The following BTK variants were observed in gnomAD, a reference collection of about 807,000 sequenced individuals.
The protein encoded by BTK is tyrosine-protein kinase BTK.
A neutral mutation model predicts 57.4 loss-of-function variants in BTK; 5 were observed. The ratio of observed to expected loss-of-function variants is 0.09; its 90% CI spans 0.05 to 0.18. The LOEUF is 0.18. Ranked by LOEUF, BTK falls within the 10% of genes least tolerant of loss-of-function variation. The pLI is 1.00. For synonymous variants in BTK, 154 were observed against 174.3 expected, an observed-to-expected ratio of 0.88 and a Z score of 0.92; for missense variants, 194 against 501.2, an observed-to-expected ratio of 0.39 and a Z score of 5.85.
chrX:101,359,843 C>A (rs1440072408), intron 9 of BTK, among the ~76,000 whole-genome samples: 1 of 105,198 alleles, frequency 9.5e-6, no homozygotes, highest in Admixed American at 1.1e-4. Flanking sequence ...TAATATATAT[C>A]TTGAAATAAA....
At chrX:101,360,506 G>T in intron 8 of BTK, 62 bp downstream of exon 8, 1 of 1,127,677 alleles carries the variant, frequency 8.9e-7, no homozygotes, top group Non-Finnish European at 1.2e-6. Context: ...TTATGCCGCA[G>T]CACTTTTTGC....
At chrX:101,362,497 G>C in intron 6 of BTK, 64 bp downstream of exon 6, 1 of 1,201,202 alleles carries the variant, frequency 8.3e-7, no homozygotes, top group Non-Finnish European at 1.1e-6. Context: ...GGGCTTGACA[G>C]ACCCTTGGGA....
chrX:101,383,781 T>A (rs1418858719), intron 1 of BTK, among the ~76,000 whole-genome samples: 2 of 111,366 alleles, frequency 1.8e-5, no homozygotes, highest in Non-Finnish European at 3.8e-5. Context: ...AAGAGCCTGG[T>A]ATTAAAGCTT....
chrX:101,364,409 CAAA>C (rs782095484), intron 5 of BTK, among the ~76,000 whole-genome samples: 2 of 50,068 alleles, frequency 4.0e-5, no homozygotes, highest in Non-Finnish European at 3.8e-5. Context: ...AACTCCAACT[CAAA>C]AAAAAAAAAA....
rs1481321663 is a variant in BTK at position 101,358,077 on chromosome X, T to C, written c.1102+233A>G. 6 of 509,617 alleles carry C rather than the reference T, an allele frequency of 1.2e-5. No individual in the cohort carries two copies. In the Admixed American group the frequency reaches 1.6e-4, roughly 14 times the overall value. 42.0% of individuals were successfully genotyped at this position (509,617 alleles called of 1,213,427 possible). On this transcript the variant is annotated intron_variant, in intron 12 of 18. Transcript: ENST00000308731. The stretch of plus-strand genomic sequence containing the variant: ...TGCTGATGAATCAGTCACCAGCCTC[T>C]TTTGTGTCTTCTCTTAACACTGAAC...
intron 18 of BTK, among the ~76,000 whole-genome samples, chrX:101,352,892 G>T (rs147512981): frequency 1.0e-5 from 1 of 98,347 alleles, no homozygotes; most frequent in Admixed American, 1.1e-4. Flanking sequence ...GAGCAAGACT[G>T]TGTCACCAAA....
At chrX:101,378,116 C>T (rs1272733447) in intron 1 of BTK, 9 of 90,361 alleles carry the variant, frequency 1.0e-4, no homozygotes, top group African/African-American at 2.9e-4. Context: ...CGGAATCTTG[C>T]TTTGTTGCCC....
At chrX:101,378,562 CA>C (rs1927301448) in intron 1 of BTK, among the ~76,000 whole-genome samples, 2 of 107,867 alleles carry the variant, frequency 1.9e-5, no homozygotes, top group African/African-American at 6.9e-5. Context: ...CACACACACA[CA>C]CCACTGTTGT....
At chrX:101,380,879 C>T (rs1347674128) in intron 1 of BTK, among the ~76,000 whole-genome samples, 1 of 104,662 alleles carries the variant, frequency 9.6e-6, no homozygotes, top group Non-Finnish European at 1.9e-5. Flanking sequence ...GCTGGGCCAA[C>T]GCTACTCTCC....
intron 15 of BTK, chrX:101,355,804 T>C: frequency 2.4e-6 from 1 of 416,126 alleles, no homozygotes. Flanking sequence ...ACCATTTTCT[T>C]GTGGGTGGTA....
At chrX:101,376,649 C>T (rs1030656025) in intron 1 of BTK, among the ~76,000 whole-genome samples, 4 of 108,230 alleles carry the variant, frequency 3.7e-5, no homozygotes, top group Non-Finnish European at 1.9e-5. Context: ...TCAAAAACAA[C>T]AACAAAAAAA....
rs781869026 is a variant in BTK, at chrX:101,356,081, C to G, written c.1537G>C (p.Glu513Gln). Residue 513 changes from glutamate to glutamine, a missense_variant, in exon 15 of 19, where the codon GAG becomes CAG. Coordinates refer to ENST00000308731, the MANE Select transcript of BTK (RefSeq NM_000061.3). ...TCTCGGTGAAGGAACTGCTTTGACT[C>G]CAGGTATTCCATGGCTTCACAGACA... ...KDVCEAMEYL[E>Q]SKQFLHRDLA... 2 of 1,211,434 alleles carry G rather than the reference C, an allele frequency of 1.7e-6. No homozygotes were observed. Among genetic ancestry groups the G allele is most frequent in the Admixed American group, 4.3e-5 (2 of 45,990 alleles).
At position 101,362,223 on chromosome X, in the gene BTK, A is replaced by C; in HGVS notation, c.538T>G (p.Ser180Ala). The C allele has an allele frequency of 1.7e-6, 2 of 1,211,625 alleles. No homozygotes were observed. Among genetic ancestry groups the C allele is most frequent in the Non-Finnish European group, 2.2e-6 (2 of 895,417 alleles). Residue 180 changes from serine (S) to alanine (A), a missense_variant, in exon 7 of 19, where the codon TCT (serine) becomes GCT (alanine). This residue lies in a region of BTK where 115 missense variants were observed against 258.3 expected (regional missense o/e 0.45). Coordinates refer to ENST00000308731, the MANE Select transcript of BTK (RefSeq NM_000061.3). ...AGAGGCTTTTTTGTCTTCCGGTGAG[A>C]ACTCCCAGGTTTTAAGCCTGCAAAA... is the stretch of plus-strand genomic sequence containing the variant. ...NRNGSLKPGSSHRKTKKPLPP... is the reference protein window; with the variant it reads ...NRNGSLKPGSAHRKTKKPLPP...
chrX:101,388,113 G>A (rs1221966693), upstream of BTK, among the ~76,000 whole-genome samples: 2 of 111,147 alleles, frequency 1.8e-5, no homozygotes, highest in African/African-American at 3.3e-5. Context: ...TGATCCACCC[G>A]CCTCAGCTTC....
chrX:101,353,079 A>G, intron 18 of BTK, 115 bp downstream of exon 18: 1 of 747,899 alleles, frequency 1.3e-6, no homozygotes, highest in Non-Finnish European at 2.0e-6. Context: ...TTAAAAAAAA[A>G]AAAAAAGGAA....
At position 101,354,486 on chromosome X, in the gene BTK, G is replaced by A. The variant is rs1910759710; in HGVS notation, c.1631+144C>T. On this transcript the variant is annotated intron_variant, in intron 16 of 18. Coordinates refer to ENST00000308731, the MANE Select transcript of BTK (RefSeq NM_000061.3). Reference sequence around the variant, plus strand: ...AAAGAGGTGGCTTAAATAACTCAGAGGAAGAAAAAGAATAGAAAGATCGGC... The same window carrying A: ...AAAGAGGTGGCTTAAATAACTCAGAAGAAGAAAAAGAATAGAAAGATCGGC... 6.3e-6 allele frequency: 4 copies of A among 635,125 alleles called. No homozygotes were observed. The Admixed American group carries it at 7.9e-5, about 13-fold the overall frequency. 52.3% of individuals were successfully genotyped at this position (635,125 alleles called of 1,213,427 possible).
intron 7 of BTK, 82 bp from the exon 8 acceptor site, chrX:101,360,837 C>G: frequency 2.1e-6 from 2 of 953,539 alleles, no homozygotes; most frequent in Non-Finnish European, 3.0e-6. Context: ...CTGGCTTACT[C>G]AAGACACCCA....
At chrX:101,387,910 A>C (rs1603028335), upstream of BTK, among the ~76,000 whole-genome samples, 1 of 101,769 alleles carries the variant, frequency 9.8e-6, no homozygotes, top group Non-Finnish European at 2.0e-5. Context: ...CCTGTCGCCC[A>C]GGCTGGAGTG....
chrX:101,382,637 A>G lies in BTK; in HGVS notation c.-31+3425T>C, dbSNP rs3027610. On this transcript the variant is annotated intron_variant, in intron 1 of 18. Transcript: ENST00000308731. ...CTTTTTGTCTTGCATTAGCGACAAT[A>G]TATTCTGGCCAACTGATGATGGAAG... Among the ~76,000 whole-genome samples the G allele has an allele frequency of 7.1e-3, 791 of 111,188 alleles. 6 individuals carry two copies. Among genetic ancestry groups the G allele is most frequent in the African/African-American group, 0.025 (748 of 30,514 alleles).
Sources: allele counts gnomAD v4.1 joint callset (sites outside exome capture counted in the v4.1 genomes callset), GRCh38; gene constraint gnomAD v4.1.1; regional missense constraint gnomAD v4.1.1; transcripts MANE v1.5; gene names NCBI Gene and HGNC (gene_info 2026-07-23, HGNC 2026-07-21).